THSD7B: variants seen among roughly 807,000 people sequenced by gnomAD.
The protein encoded by THSD7B is thrombospondin type 1 domain containing 7B.
Under a neutral mutation model 213.6 loss-of-function variants are expected in THSD7B, and 138 were observed. That is an observed-to-expected ratio of 0.65 (90% CI 0.56 to 0.74). THSD7B has a LOEUF of 0.74. Among genes scored for constraint, THSD7B ranks in the 30% least tolerant of loss-of-function variants. The pLI, the probability that THSD7B is intolerant of heterozygous loss-of-function variation, is 0.00. For missense variants in THSD7B, 1,931 were observed against 1,991.5 expected (o/e 0.97, Z 0.58); for synonymous variants, 742 against 687.0 (o/e 1.08, Z -1.25).
chr2:136,793,813 T>A (rs1030254837), intron 1 of THSD7B, among the ~76,000 whole-genome samples: 1 of 150,498 alleles, frequency 6.6e-6, no homozygotes, highest in Non-Finnish European at 1.5e-5. Flanking sequence ...TATTTTTACT[T>A]TTTTTTTTAT....
At chr2:137,384,673 G>A (rs1407117515) in intron 12 of THSD7B, among the ~76,000 whole-genome samples, 1 of 152,190 alleles carries the variant, frequency 6.6e-6, no homozygotes, top group African/African-American at 2.4e-5. Flanking sequence ...CATGGGCCCT[G>A]TCATCTTACA....
At chr2:136,942,264 T>A (rs914753052) in intron 2 of THSD7B, among the ~76,000 whole-genome samples, 5 of 152,190 alleles carry the variant, frequency 3.3e-5, no homozygotes, top group African/African-American at 1.2e-4. Context: ...GTAATATAAT[T>A]TGAAGTCAGG....
At chr2:137,578,827 A>G (rs975188966) in intron 17 of THSD7B, among the ~76,000 whole-genome samples, 1 of 152,146 alleles carries the variant, frequency 6.6e-6, no homozygotes, top group Admixed American at 6.5e-5. Flanking sequence ...TTCTGGCTAT[A>G]TAGGTGTTTT....
intron 13 of THSD7B, 151 bp from the exon 14 acceptor site, chr2:137,411,458 T>C (rs1686648903): frequency 2.9e-6 from 2 of 696,584 alleles, no homozygotes; most frequent in Non-Finnish European, 4.5e-6. Context: ...GTTTCCGTTG[T>C]CTCAGGATTT....
At chr2:137,064,211 AGAT>A (rs1198404122) in intron 3 of THSD7B, among the ~76,000 whole-genome samples, 2 of 152,074 alleles carry the variant, frequency 1.3e-5, no homozygotes, top group African/African-American at 4.8e-5. Flanking sequence ...AACTGGGATG[AGAT>A]GATATCTCAT....
chr2:136,935,516 A>G lies in THSD7B; in HGVS notation c.139+53199A>G, dbSNP rs16837630. On this transcript the variant is annotated intron_variant, in intron 2 of 27. Transcript: ENST00000409968. ...TTTGAATATGTTCTGAGATTCACCA[A>G]TCACTAGCTACTTTAAGCCATTGAT... Among the ~76,000 whole-genome samples the G allele has an allele frequency of 3.7e-3, 568 of 152,286 alleles. 2 individuals carry two copies. Among genetic ancestry groups the G allele is most frequent in the African/African-American group, 0.013 (540 of 41,552 alleles).
At chr2:137,528,227 A>G (rs1680315502) in intron 15 of THSD7B, among the ~76,000 whole-genome samples, 1 of 152,002 alleles carries the variant, frequency 6.6e-6, no homozygotes, top group East Asian at 1.9e-4. Context: ...TATAGTTTGG[A>G]AGTTACATTG....
At chr2:137,394,258 T>A (rs201990057) in intron 12 of THSD7B, among the ~76,000 whole-genome samples, 80,970 of 91,878 alleles carry the variant, frequency 0.88, 38,012 homozygotes, top group East Asian at 0.99. Flanking sequence ...CTGAATGGTA[T>A]TGCCTAGGTT....
chr2:137,138,067 G>C (rs892876), intron 5 of THSD7B, among the ~76,000 whole-genome samples: 115,357 of 151,876 alleles, frequency 0.76, 44,076 homozygotes, highest in Non-Finnish European at 0.78. Flanking sequence ...TTTTAAAATA[G>C]TTCTTTTGTA....
chr2:137,641,933 CA>C (rs1682946805), intron 20 of THSD7B, among the ~76,000 whole-genome samples: 1 of 152,078 alleles, frequency 6.6e-6, no homozygotes, highest in Admixed American at 6.6e-5. Flanking sequence ...CTTGGGGTAG[CA>C]CCTTCCTAGG....
At chr2:137,631,431 A>G (rs1326141883) in intron 20 of THSD7B, among the ~76,000 whole-genome samples, 1 of 152,202 alleles carries the variant, frequency 6.6e-6, no homozygotes, top group Non-Finnish European at 1.5e-5. Flanking sequence ...TTTAAATTTA[A>G]TGCATATGAG....
chr2:137,404,461 A>C (rs1686453012), intron 12 of THSD7B, among the ~76,000 whole-genome samples: 1 of 110,172 alleles, frequency 9.1e-6, no homozygotes, highest in Non-Finnish European at 1.8e-5. Flanking sequence ...ATATATATAT[A>C]TATATATATA....
chr2:137,289,755 A>C (rs1315033413), intron 12 of THSD7B, among the ~76,000 whole-genome samples: 1 of 152,034 alleles, frequency 6.6e-6, no homozygotes, highest in Non-Finnish European at 1.5e-5. Flanking sequence ...TCAGGGTTCA[A>C]AGAGTGATGA....
chr2:136,845,770 T>A (rs565357818), intron 1 of THSD7B, among the ~76,000 whole-genome samples: 109 of 152,330 alleles, frequency 7.2e-4, no homozygotes, highest in Non-Finnish European at 1.1e-3. Flanking sequence ...TCTTCTAGAT[T>A]AGATTTAAGT....
At chr2:137,450,617 G>C (rs958188046) in intron 14 of THSD7B, among the ~76,000 whole-genome samples, 3 of 152,104 alleles carry the variant, frequency 2.0e-5, no homozygotes, top group Non-Finnish European at 4.4e-5. Context: ...ACTTTTTCCT[G>C]TTCCTTTCAT....
At chr2:137,494,569 A>G (rs1430906630) in intron 15 of THSD7B, among the ~76,000 whole-genome samples, 3 of 152,178 alleles carry the variant, frequency 2.0e-5, no homozygotes, top group African/African-American at 4.8e-5. Context: ...CAGCAAGCAG[A>G]ACCAACATGG....
At chr2:137,280,556 A>G (rs1454327063) in intron 12 of THSD7B, among the ~76,000 whole-genome samples, 1 of 152,130 alleles carries the variant, frequency 6.6e-6, no homozygotes, top group Non-Finnish European at 1.5e-5. Flanking sequence ...AAGAAGATAG[A>G]ACAGCACATA....
At chr2:136,766,203 A>G (rs760155295) in intron 1 of THSD7B, among the ~76,000 whole-genome samples, 1 of 152,204 alleles carries the variant, frequency 6.6e-6, no homozygotes, top group African/African-American at 2.4e-5. Context: ...AAATCTGTGC[A>G]TAGGCGTTCA....
At chr2:137,666,544 C>A (rs180964711) in intron 26 of THSD7B, among the ~76,000 whole-genome samples, 2 of 147,592 alleles carry the variant, frequency 1.4e-5, no homozygotes, top group South Asian at 2.3e-4. Flanking sequence ...ATTTCCCCCC[C>A]CCATAGAAGC....
Sources: allele counts gnomAD v4.1 joint callset (sites outside exome capture counted in the v4.1 genomes callset), GRCh38; gene constraint gnomAD v4.1.1; transcripts MANE v1.5; gene names NCBI Gene and HGNC (gene_info 2026-07-23, HGNC 2026-07-21).